TXLNB: variants seen among roughly 807,000 people sequenced by gnomAD.
The protein encoded by TXLNB is taxilin beta, also known as beta-taxilin.
A neutral mutation model predicts 57.4 loss-of-function variants in TXLNB; 37 were observed. That is an observed-to-expected ratio of 0.64 (90% CI 0.50 to 0.85). The LOEUF (loss-of-function observed/expected upper bound fraction) is 0.85, where lower values mean the gene tolerates loss of function less well. Among genes scored for constraint, TXLNB ranks in the 40% least tolerant of loss-of-function variants. TXLNB has a pLI of 0.00. For synonymous variants in TXLNB, 302 were observed against 309.6 expected (o/e 0.98, Z 0.26); for missense variants, 848 against 825.6 (o/e 1.03, Z -0.33).
At chr6:139,188,938 TAG>T in the TXLNB span, among the ~76,000 whole-genome samples, 32 of 152,326 alleles carry the variant, frequency 2.1e-4, no homozygotes, top group Admixed American at 1.4e-3. Flanking sequence ...GTATTTTTAG[TAG>T]AGACGGGGTT....
chr6:139,192,683 G>A, the TXLNB span, among the ~76,000 whole-genome samples: 2 of 151,994 alleles, frequency 1.3e-5, no homozygotes, highest in African/African-American at 4.8e-5. Context: ...GATGGCTCAC[G>A]CCTGTAATCC....
At chr6:139,263,802 T>A (rs1002879896) in intron 4 of TXLNB, among the ~76,000 whole-genome samples, 3 of 152,228 alleles carry the variant, frequency 2.0e-5, no homozygotes, top group African/African-American at 7.2e-5. Flanking sequence ...TAATTGTTAA[T>A]ATGAAAGCTT....
In TXLNB at chr6:139,242,823, T is replaced by C. The variant is rs373566619; in HGVS notation, c.1758A>G (p.Ala586=). 1 of 1,614,032 alleles carries C rather than the reference T, an allele frequency of 6.2e-7. No homozygotes were observed. The highest frequency in any genetic ancestry group is 1.3e-5 in the African/African-American group (1 of 74,932). The change falls in exon 10 of 10, where the codon GCA becomes GCG. Residue 586 remains alanine (A), a synonymous_variant. Coordinates refer to ENST00000358430, the MANE Select transcript of TXLNB (RefSeq NM_153235.4). ...CAGGGAGACCCTCGCATTGGGTTTC[T>C]GCTCCCAACCCGGCAGGAGAATTAC... is the stretch of plus-strand genomic sequence containing the variant. ...KASNSPAGLG[A]ETQCEGLPVG... is the part of the protein sequence containing the mutation.
the TXLNB span, among the ~76,000 whole-genome samples, chr6:139,220,925 G>A: frequency 6.6e-6 from 1 of 152,158 alleles, no homozygotes; most frequent in Non-Finnish European, 1.5e-5. Context: ...TGAAATTGAT[G>A]CTCAAGAGAC....
At chr6:139,211,187 GT>G in the TXLNB span, among the ~76,000 whole-genome samples, 2 of 152,226 alleles carry the variant, frequency 1.3e-5, no homozygotes, top group Non-Finnish European at 2.9e-5. Context: ...GCCTCCTCAA[GT>G]GGGTCCCTGA....
intron 6 of TXLNB, among the ~76,000 whole-genome samples, chr6:139,258,056 T>G (rs1200345552): frequency 1.3e-5 from 2 of 152,074 alleles, no homozygotes; most frequent in African/African-American, 4.8e-5. Flanking sequence ...TATGCAGCTT[T>G]GTTGTGATTG....
At chr6:139,270,680 T>C (rs945046589) in intron 3 of TXLNB, 54 bp from the exon 4 acceptor site, 3 of 1,538,306 alleles carry the variant, frequency 2.0e-6, no homozygotes, top group Admixed American at 3.8e-5. Flanking sequence ...CTCCTTGGAG[T>C]GGATAGAAAA....
At chr6:139,206,151 G>A in the TXLNB span, among the ~76,000 whole-genome samples, 241 of 152,130 alleles carry the variant, frequency 1.6e-3, 8 homozygotes, top group South Asian at 0.043. Flanking sequence ...CTACCAAACC[G>A]GCACTACAAG....
In TXLNB at chr6:139,243,286, C is replaced by A. The variant is rs1271633953; in HGVS notation, c.1295G>T (p.Cys432Phe). 2.5e-6 allele frequency: 4 copies of A among 1,611,734 alleles called. No individual in the cohort carries two copies. Among genetic ancestry groups the A allele is most frequent in the Non-Finnish European group, 3.4e-6 (4 of 1,179,908 alleles). Residue 432 changes from cysteine to phenylalanine, a missense_variant, in exon 10 of 10, where the codon TGC becomes TTC. Transcript: ENST00000358430. ...TAGCCTCCCGATTTTCATCACAAAGCACTCATATTCTTTAGCTCTCAGTGC... is the reference window on the plus strand; with the variant it reads ...TAGCCTCCCGATTTTCATCACAAAGAACTCATATTCTTTAGCTCTCAGTGC... ...EKALRAKEYE[C>F]FVMKIGRLEN...
the TXLNB span, chr6:139,170,307 T>C: frequency 6.6e-6 from 1 of 152,224 alleles, no homozygotes; most frequent in Non-Finnish European, 1.5e-5. Context: ...CTGGGTACTA[T>C]CAGTTCTTGC....
At chr6:139,190,741 C>G in the TXLNB span, among the ~76,000 whole-genome samples, 3,129 of 152,206 alleles carry the variant, frequency 0.021, 113 homozygotes, top group African/African-American at 0.071. Context: ...ATCTAATGAC[C>G]TCCCAAAAGG....
the TXLNB span, among the ~76,000 whole-genome samples, chr6:139,312,668 C>T: frequency 8.6e-6 from 1 of 116,026 alleles, no homozygotes. Context: ...AATATGAACC[C>T]CAAAACATCC....
chr6:139,275,015 A>G (rs2114585215), intron 3 of TXLNB, among the ~76,000 whole-genome samples: 1 of 152,308 alleles, frequency 6.6e-6, no homozygotes, highest in African/African-American at 2.4e-5. Flanking sequence ...ACAAGTTGCA[A>G]GAAAATTGAT....
chr6:139,232,567 G>C, the TXLNB span, among the ~76,000 whole-genome samples: 7 of 152,214 alleles, frequency 4.6e-5, no homozygotes, highest in East Asian at 1.2e-3. Flanking sequence ...TTTATGGCTT[G>C]TTACATCTTC....
At chr6:139,163,352 C>T in the TXLNB span, among the ~76,000 whole-genome samples, 1 of 142,454 alleles carries the variant, frequency 7.0e-6, no homozygotes. Context: ...GTTCTCCATT[C>T]TTTTTTTTTT....
At chr6:139,322,850 C>T in the TXLNB span, among the ~76,000 whole-genome samples, 1 of 152,166 alleles carries the variant, frequency 6.6e-6, no homozygotes, top group African/African-American at 2.4e-5. Context: ...TTCTTTGTCT[C>T]CTCCTCTTGC....
the TXLNB span, among the ~76,000 whole-genome samples, chr6:139,193,354 C>G: frequency 6.7e-6 from 1 of 149,720 alleles, no homozygotes; most frequent in Admixed American, 6.7e-5. Context: ...TAGAGTTCTC[C>G]TCTAAACTCT....
At chr6:139,252,521 T>C (rs1363330139) in intron 7 of TXLNB, among the ~76,000 whole-genome samples, 1 of 152,188 alleles carries the variant, frequency 6.6e-6, no homozygotes, top group Non-Finnish European at 1.5e-5. Flanking sequence ...AGGAGGGTTC[T>C]TGCAATTAGT....
the TXLNB span, among the ~76,000 whole-genome samples, chr6:139,193,560 A>G: frequency 6.6e-6 from 1 of 151,566 alleles, no homozygotes; most frequent in Non-Finnish European, 1.5e-5. Context: ...CACTATCTGT[A>G]TCTGGTCTGT....
Sources: gnomAD v4.1 joint callset for allele counts (sites outside exome capture counted in the v4.1 genomes callset) on GRCh38, gnomAD v4.1.1 for gene constraint, MANE v1.5 for transcripts, NCBI Gene and HGNC (gene_info 2026-07-23, HGNC 2026-07-21) for gene names.